The following CDC42EP3 variants were observed in gnomAD, a reference collection of about 807,000 sequenced individuals.
CDC42EP3 encodes the protein CDC42 effector protein 3.
A neutral mutation model predicts 15.5 loss-of-function variants in CDC42EP3; 4 were observed. That is an observed-to-expected ratio of 0.26 (90% CI 0.13 to 0.59). CDC42EP3 has a LOEUF of 0.59. CDC42EP3 is among the 20% of genes least tolerant of loss of function. CDC42EP3 has a pLI of 0.89. For synonymous variants in CDC42EP3, 145 were observed against 130.3 expected, an observed-to-expected ratio of 1.11 and a Z score of -0.77; for missense variants, 309 against 311.2, an observed-to-expected ratio of 0.99 and a Z score of 0.05.
At chr2:37,671,070 A>AG in intron 1 of CDC42EP3, among the ~76,000 whole-genome samples, 1 of 152,174 alleles carries the variant, frequency 6.6e-6, no homozygotes. Context: ...CCATGATGCG[A>AG]GGGGCGCGGT....
At chr2:37,651,993 G>C (rs868156758) in intron 1 of CDC42EP3, among the ~76,000 whole-genome samples, 1 of 151,836 alleles carries the variant, frequency 6.6e-6, no homozygotes, top group South Asian at 2.1e-4. Flanking sequence ...GGCTAACACG[G>C]TGAAACCCCG....
At chr2:37,667,002 G>A (rs1262047804) in intron 1 of CDC42EP3, among the ~76,000 whole-genome samples, 3 of 152,060 alleles carry the variant, frequency 2.0e-5, no homozygotes, top group South Asian at 2.1e-4. Flanking sequence ...GAGTTACTTC[G>A]GACTGTCCTT....
chr2:37,666,859 G>C (rs1666266658), intron 1 of CDC42EP3, among the ~76,000 whole-genome samples: 1 of 150,316 alleles, frequency 6.7e-6, no homozygotes, highest in Middle Eastern at 3.2e-3. Flanking sequence ...TATTGCTTTA[G>C]AACTACATGG....
chr2:37,660,876 C>T (rs1666035440), intron 1 of CDC42EP3, among the ~76,000 whole-genome samples: 1 of 151,754 alleles, frequency 6.6e-6, no homozygotes, highest in African/African-American at 2.4e-5. Flanking sequence ...GTGTGCACAA[C>T]TAACCCTGTC....
At chr2:37,659,907 C>T (rs748009570) in intron 1 of CDC42EP3, among the ~76,000 whole-genome samples, 5 of 152,314 alleles carry the variant, frequency 3.3e-5, no homozygotes, top group African/African-American at 7.2e-5. Flanking sequence ...TACGGGCCAA[C>T]GAAACTGCTA....
At chr2:37,664,794 T>C (rs1666201321) in intron 1 of CDC42EP3, among the ~76,000 whole-genome samples, 2 of 152,100 alleles carry the variant, frequency 1.3e-5, no homozygotes, top group African/African-American at 4.8e-5. Context: ...CCATTAGTCT[T>C]AGCAAACTGA....
At chr2:37,656,583 A>G (rs981674578) in intron 1 of CDC42EP3, among the ~76,000 whole-genome samples, 3 of 152,244 alleles carry the variant, frequency 2.0e-5, no homozygotes, top group Non-Finnish European at 4.4e-5. Flanking sequence ...GCAGGCATGT[A>G]ATGCTCAGAG....
intron 1 of CDC42EP3, among the ~76,000 whole-genome samples, chr2:37,664,505 T>G (rs1329931048): frequency 6.6e-6 from 1 of 152,150 alleles, no homozygotes; most frequent in Non-Finnish European, 1.5e-5. Flanking sequence ...AAACTCCCCT[T>G]TATATATACA....
chr2:37,670,480 C>A (rs1192710374), intron 1 of CDC42EP3, among the ~76,000 whole-genome samples: 1 of 146,082 alleles, frequency 6.8e-6, no homozygotes, highest in Non-Finnish European at 1.5e-5. Context: ...TTAATTCGCT[C>A]ACTTTTTTTT....
At position 37,642,392 on chromosome 2, in the gene CDC42EP3, C is replaced by T. The variant is rs952815817; in HGVS notation, c.*3431G>A. Reference sequence around the variant, plus strand: ...CTTATCATTTGGCATCTGGAAACTTCTCTTATTTTGCTGGATATGGCTGTC... The same window carrying T: ...CTTATCATTTGGCATCTGGAAACTTTTCTTATTTTGCTGGATATGGCTGTC... On this transcript the variant is annotated 3_prime_UTR_variant, in exon 2 of 2. Transcript: ENST00000295324. 1 of 152,234 alleles carries T rather than the reference C, an allele frequency of 6.6e-6. No individual in the cohort carries two copies. The highest frequency in any genetic ancestry group is 2.1e-4 in the South Asian group (1 of 4,834). 9.4% of individuals were successfully genotyped at this position (152,234 alleles called of 1,614,324 possible).
rs1381083616 is a variant in CDC42EP3, at chr2:37,671,510, G to A, written c.-320C>T. 2 of 152,292 alleles carry A rather than the reference G, an allele frequency of 1.3e-5. No homozygotes were observed. Among genetic ancestry groups the A allele is most frequent in the African/African-American group, 4.8e-5 (2 of 41,474 alleles). 9.4% of individuals were successfully genotyped at this position (152,292 alleles called of 1,614,324 possible). On this transcript the variant is annotated 5_prime_UTR_variant, in exon 1 of 2. Transcript: ENST00000295324. ...TGCCGCTGTGCGCAGATCCAGCCGAGTCTGCCGGCGTGGTGCCTGCTCACC... is the reference window on the plus strand; with the variant it reads ...TGCCGCTGTGCGCAGATCCAGCCGAATCTGCCGGCGTGGTGCCTGCTCACC...
chr2:37,648,585 G>C (rs1159175948), intron 1 of CDC42EP3, among the ~76,000 whole-genome samples: 1 of 152,218 alleles, frequency 6.6e-6, no homozygotes, highest in Non-Finnish European at 1.5e-5. Context: ...CCCCACTCGG[G>C]CTTTGGGTAT....
chr2:37,656,057 T>C (rs1665836363), intron 1 of CDC42EP3, among the ~76,000 whole-genome samples: 1 of 152,222 alleles, frequency 6.6e-6, no homozygotes, highest in Non-Finnish European at 1.5e-5. Context: ...TCAAGTTCTC[T>C]GATGGGGTAA....
intron 1 of CDC42EP3, chr2:37,647,642 G>A (rs942566837): frequency 2.0e-5 from 3 of 152,482 alleles, no homozygotes; most frequent in African/African-American, 7.2e-5. Context: ...AATTCGAAGG[G>A]AGCCCCCATG....
chr2:37,645,756 C>A lies in CDC42EP3; in HGVS notation c.*67G>T. 7.9e-7 allele frequency: 1 copy of A among 1,273,014 alleles called. No homozygotes were observed. Among genetic ancestry groups the A allele is most frequent in the Non-Finnish European group, 1.1e-6 (1 of 936,826 alleles). The allele number at this position is 1,273,014 out of a possible 1,614,324, so 78.9% of individuals were successfully genotyped here. On this transcript the variant is annotated 3_prime_UTR_variant, in exon 2 of 2. Coordinates refer to ENST00000295324, the MANE Select transcript of CDC42EP3 (RefSeq NM_006449.5). ...AACTGCAAATACAGCTCCGGAAGCC[C>A]TTCTCTTCAACTGTGGTTAGTTTGT...
chr2:37,657,201 A>T (rs752230813), intron 1 of CDC42EP3, among the ~76,000 whole-genome samples: 4 of 151,994 alleles, frequency 2.6e-5, no homozygotes, highest in Non-Finnish European at 4.4e-5. Context: ...TGTTCCCTAC[A>T]TGGAAAGCTC....
Position 37,645,706 on chromosome 2 carries a change from T to G in CDC42EP3, c.*117A>C. Reference sequence around the variant, plus strand: ...CAGGTAAAAAAATACTTTGTAAGAATATTATTTTAGAAAACCCAACACAAA... The same window carrying G: ...CAGGTAAAAAAATACTTTGTAAGAAGATTATTTTAGAAAACCCAACACAAA... On this transcript the variant is annotated 3_prime_UTR_variant, in exon 2 of 2. Coordinates refer to ENST00000295324, the MANE Select transcript of CDC42EP3 (RefSeq NM_006449.5). 1.2e-6 allele frequency: 1 copy of G among 807,762 alleles called. No individual in the cohort carries two copies. Among genetic ancestry groups the G allele is most frequent in the Non-Finnish European group, 1.9e-6 (1 of 531,002 alleles). The allele number at this position is 807,762 out of a possible 1,614,324, so 50.0% of individuals were successfully genotyped here.
chr2:37,650,189 T>C (rs532042930), intron 1 of CDC42EP3, among the ~76,000 whole-genome samples: 2 of 152,272 alleles, frequency 1.3e-5, no homozygotes, highest in Non-Finnish European at 2.9e-5. Flanking sequence ...GGGGCAACCA[T>C]GATTGATCCC....
chr2:37,658,370 C>T (rs11883958), intron 1 of CDC42EP3, among the ~76,000 whole-genome samples: 3 of 151,904 alleles, frequency 2.0e-5, no homozygotes, highest in Non-Finnish European at 4.4e-5. Context: ...GCTTGCATGG[C>T]GGTTGTGTGT....
Sources: gnomAD v4.1 joint callset for allele counts (sites outside exome capture counted in the v4.1 genomes callset) on GRCh38, gnomAD v4.1.1 for gene constraint, MANE v1.5 for transcripts, NCBI Gene and HGNC (gene_info 2026-07-23, HGNC 2026-07-21) for gene names.